The following G2E3 variants were observed in gnomAD, a reference collection of about 807,000 sequenced individuals.
G2E3 encodes G2/M-phase specific E3 ubiquitin protein ligase, also known as G2/M phase-specific E3 ubiquitin-protein ligase.
G2E3 carries 35 observed loss-of-function variants against 92.8 expected under a neutral mutation model. The ratio of observed to expected loss-of-function variants is 0.38; its 90% CI spans 0.29 to 0.50. G2E3 has a LOEUF of 0.50. Among genes scored for constraint, G2E3 ranks in the 20% least tolerant of loss-of-function variants. The pLI, the probability that G2E3 is intolerant of heterozygous loss-of-function variation, is 0.94. For synonymous variants in G2E3, 242 were observed against 272.4 expected, an observed-to-expected ratio of 0.89 and a Z score of 1.10; for missense variants, 554 against 823.8, an observed-to-expected ratio of 0.67 and a Z score of 4.01.
In G2E3 at chr14:30,600,917, C is replaced by T. The variant is rs73264350; in HGVS notation, c.753-853C>T. ...ACCTTCTACAATTGTGAGGATTAAACTTTTCATATGAACACAGAGAGAACT... is the reference window on the plus strand; with the variant it reads ...ACCTTCTACAATTGTGAGGATTAAATTTTTCATATGAACACAGAGAGAACT... On this transcript the variant is annotated intron_variant, in intron 8 of 14. Coordinates refer to ENST00000206595, the MANE Select transcript of G2E3 (RefSeq NM_017769.5). 8.9e-3 allele frequency among the ~76,000 whole-genome samples: 1,355 copies of T among 152,316 alleles called. 25 individuals carry two copies. The highest frequency in any genetic ancestry group is 0.03 in the African/African-American group (1,260 of 41,552).
Position 30,616,614 on chromosome 14 carries a change from TC to T in G2E3, c.*81del. ...TTTTATTTCACTAACCTTTTCATCA[TC>T]ACTTTGAACAAACTAGTTAGCTTCT... On this transcript the variant is annotated 3_prime_UTR_variant, in exon 15 of 15. Transcript: ENST00000206595. 1.9e-6 allele frequency: 2 copies of T among 1,045,674 alleles called. No homozygotes were observed. The highest frequency in any genetic ancestry group is 3.0e-5 in the South Asian group (2 of 67,456). 64.8% of individuals were successfully genotyped at this position (1,045,674 alleles called of 1,614,324 possible). A position where few individuals can be genotyped will look rare whatever the true frequency, so the allele number is the denominator to read the frequency against.
intron 3 of G2E3, 52 bp downstream of exon 3, chr14:30,586,867 A>G (rs1052370041): frequency 5.1e-6 from 3 of 588,282 alleles, no homozygotes; most frequent in Non-Finnish European, 8.8e-6. Flanking sequence ...TAAAGAAGAT[A>G]GTAAGATTCT....
chr14:30,562,229 TATAATAAA>T (rs1382902843), intron 1 of G2E3, among the ~76,000 whole-genome samples: 1 of 152,172 alleles, frequency 6.6e-6, no homozygotes, highest in Non-Finnish European at 1.5e-5. Context: ...GCTGTTCCAG[TATAATAAA>T]ATAATAAAAT....
chr14:30,599,196 A>G (rs1408074344), intron 8 of G2E3, among the ~76,000 whole-genome samples: 2 of 151,150 alleles, frequency 1.3e-5, no homozygotes, highest in Non-Finnish European at 2.9e-5. Context: ...GGGCCCACCT[A>G]TCTGACCTTA....
At chr14:30,581,876 GATT>G (rs1316152891) in intron 2 of G2E3, among the ~76,000 whole-genome samples, 1 of 152,088 alleles carries the variant, frequency 6.6e-6, no homozygotes, top group Admixed American at 6.5e-5. Flanking sequence ...GAATTTAAAT[GATT>G]ACACTCTTCT....
At chr14:30,599,171 C>G (rs1309802745) in intron 8 of G2E3, among the ~76,000 whole-genome samples, 2 of 152,012 alleles carry the variant, frequency 1.3e-5, no homozygotes, top group African/African-American at 2.4e-5. Context: ...ATAAGAACAC[C>G]AGTCATTTGG....
At chr14:30,616,153 A>C (rs992436431) in intron 14 of G2E3, 125 bp from the exon 15 acceptor site, 41 of 666,990 alleles carry the variant, frequency 6.1e-5, no homozygotes, top group Admixed American at 1.2e-4. Flanking sequence ...TTTGCCCAAA[A>C]CAAATGTGGG....
intron 1 of G2E3, among the ~76,000 whole-genome samples, chr14:30,576,180 A>G (rs1470036628): frequency 2.0e-5 from 3 of 152,240 alleles, no homozygotes; most frequent in Non-Finnish European, 4.4e-5. Context: ...CACATAGACC[A>G]GTGGAACAGA....
In G2E3 at chr14:30,612,355, A is replaced by G. The variant is rs1476358304; in HGVS notation, c.1649A>G (p.Gln550Arg). The G allele has an allele frequency of 6.2e-7, 1 of 1,604,966 alleles. No individual in the cohort carries two copies. Among genetic ancestry groups the G allele is most frequent in the East Asian group, 2.2e-5 (1 of 44,650 alleles). Reference protein sequence around the residue: ...VKDILGYHVIQRVHTPFESFK... With the variant: ...VKDILGYHVIRRVHTPFESFK... ...GACATACTTGGCTACCATGTAATTC[A>G]GAGAGTCCACACACCCTTTGAAAGG... The change falls in exon 13 of 15, where the codon CAG becomes CGG. Residue 550 changes from glutamine to arginine, a missense_variant. This residue lies in a region of G2E3 where 397 missense variants were observed against 560.3 expected (regional missense o/e 0.71). Coordinates refer to ENST00000206595, the MANE Select transcript of G2E3 (RefSeq NM_017769.5).
In G2E3 at chr14:30,616,762, T is replaced by G; in HGVS notation, c.*228T>G. 2 of 376,762 alleles carry G rather than the reference T, an allele frequency of 5.3e-6. No individual in the cohort carries two copies. Among genetic ancestry groups the G allele is most frequent in the East Asian group, 1.1e-4 (2 of 18,958 alleles). The allele number at this position is 376,762 out of a possible 1,614,324, so 23.3% of individuals were successfully genotyped here. On this transcript the variant is annotated 3_prime_UTR_variant, in exon 15 of 15. Coordinates refer to ENST00000206595, the MANE Select transcript of G2E3 (RefSeq NM_017769.5). The stretch of plus-strand genomic sequence containing the variant: ...GTGATAATTTCTCATTTTCTTGATA[T>G]AGATACTTCATAAACCTCAATATAA...
chr14:30,588,461 A>G (rs1033916517), intron 3 of G2E3, among the ~76,000 whole-genome samples: 1 of 152,088 alleles, frequency 6.6e-6, no homozygotes, highest in Non-Finnish European at 1.5e-5. Context: ...GGTGTTTTCA[A>G]ATTATGTAAT....
chr14:30,614,506 T>C (rs1429167658), intron 13 of G2E3, among the ~76,000 whole-genome samples: 1 of 152,206 alleles, frequency 6.6e-6, no homozygotes, highest in African/African-American at 2.4e-5. Flanking sequence ...AATAATGATA[T>C]TAATCCATTT....
intron 1 of G2E3, among the ~76,000 whole-genome samples, chr14:30,568,905 A>G (rs1265870020): frequency 7.9e-5 from 12 of 151,976 alleles, no homozygotes; most frequent in Non-Finnish European, 1.2e-4. Context: ...ATTTCCTCGT[A>G]TGGCTTTGAC....
chr14:30,583,239 TAAAC>T (rs1285301330), intron 2 of G2E3, among the ~76,000 whole-genome samples: 1 of 152,202 alleles, frequency 6.6e-6, no homozygotes, highest in African/African-American at 2.4e-5. Flanking sequence ...TCTGTATAAA[TAAAC>T]ATGTAACAGA....
In G2E3 at chr14:30,593,465, C is replaced by T. The variant is rs1881118895; in HGVS notation, c.363-9C>T. 4.3e-6 allele frequency: 6 copies of T among 1,394,880 alleles called. No individual in the cohort carries two copies. The highest frequency in any genetic ancestry group is 4.4e-5 in the Admixed American group (2 of 45,974). The allele number at this position is 1,394,880 out of a possible 1,614,324, so 86.4% of individuals were successfully genotyped here. ...CATGAGATTTTTTTAAAATAATTTA[C>T]ATTTTTAGGTCATTTTGTTGGGACC... On this transcript the variant is annotated splice_polypyrimidine_tract_variant and intron_variant, in intron 5 of 14. Transcript: ENST00000206595.
intron 1 of G2E3, among the ~76,000 whole-genome samples, chr14:30,571,783 C>T (rs1271343033): frequency 1.3e-5 from 2 of 152,056 alleles, no homozygotes; most frequent in East Asian, 1.9e-4. Flanking sequence ...TGACTTTTCC[C>T]TTATGATCTA....
chr14:30,604,494 A>G (rs1191786890), intron 10 of G2E3, among the ~76,000 whole-genome samples: 1 of 152,254 alleles, frequency 6.6e-6, no homozygotes, highest in Non-Finnish European at 1.5e-5. Context: ...TTGTTAAAAC[A>G]GATTGCTGGG....
chr14:30,572,417 T>C (rs1280728574), intron 1 of G2E3, among the ~76,000 whole-genome samples: 1 of 152,212 alleles, frequency 6.6e-6, no homozygotes, highest in Non-Finnish European at 1.5e-5. Context: ...TTTGTTATGA[T>C]TGGATATTGA....
intron 5 of G2E3, 112 bp from the exon 6 acceptor site, chr14:30,593,362 T>G (rs899038409): frequency 1.7e-6 from 1 of 590,718 alleles, no homozygotes; most frequent in Non-Finnish European, 2.9e-6. Context: ...CTGTTGTAGG[T>G]GAATTATGAG....
Sources: gnomAD v4.1 joint callset for allele counts (sites outside exome capture counted in the v4.1 genomes callset) on GRCh38, gnomAD v4.1.1 for gene constraint, gnomAD v4.1.1 regional missense constraint, MANE v1.5 for transcripts, NCBI Gene and HGNC (gene_info 2026-07-23, HGNC 2026-07-21) for gene names.